ALDH1L2: variants seen among roughly 807,000 people sequenced by gnomAD.
ALDH1L2 encodes the protein mitochondrial 10-formyltetrahydrofolate dehydrogenase.
In ALDH1L2, 91 loss-of-function variants were observed where a neutral mutation model predicts 111.0. The observed-to-expected ratio is 0.82, with a 90% CI of 0.69 to 0.98. The LOEUF (loss-of-function observed/expected upper bound fraction) is 0.98, where lower values mean the gene tolerates loss of function less well. Ranked by LOEUF, ALDH1L2 falls within the 50% of genes least tolerant of loss-of-function variation. The probability of loss-of-function intolerance (pLI) is 0.00; values close to 1 mark genes in which losing one functional copy is unlikely to be tolerated. For synonymous variants in ALDH1L2, 374 were observed against 392.6 expected, an observed-to-expected ratio of 0.95 and a Z score of 0.56; for missense variants, 995 against 1,126.8, an observed-to-expected ratio of 0.88 and a Z score of 1.67.
intron 2 of ALDH1L2, among the ~76,000 whole-genome samples, chr12:105,071,781 C>T (rs1463995946): frequency 9.5e-5 from 14 of 147,894 alleles, no homozygotes; most frequent in Non-Finnish European, 1.5e-4. Flanking sequence ...CTCAGCCTCC[C>T]GAGTAGTATA....
At chr12:105,066,712 C>CA in intron 4 of ALDH1L2, 43 bp from the exon 5 acceptor site, 1 of 1,538,480 alleles carries the variant, frequency 6.5e-7, no homozygotes, top group South Asian at 1.1e-5. Flanking sequence ...CAATGATCAA[C>CA]AATGGCATGG....
At chr12:105,032,949 C>T (rs553706052) in intron 19 of ALDH1L2, among the ~76,000 whole-genome samples, 4 of 152,200 alleles carry the variant, frequency 2.6e-5, no homozygotes, top group East Asian at 1.9e-4. Context: ...CTTTACTGCA[C>T]GATGTTCATC....
At chr12:105,049,436 T>C (rs1484997772) in intron 13 of ALDH1L2, among the ~76,000 whole-genome samples, 1 of 152,172 alleles carries the variant, frequency 6.6e-6, no homozygotes, top group African/African-American at 2.4e-5. Flanking sequence ...AAGTGTCTCC[T>C]AAAATGCATG....
Position 105,070,718 on chromosome 12 carries a change from C to T in ALDH1L2, c.280G>A (p.Ala94Thr). ...AGCTCTGCACCCACGGATCTGTAGG[C>T]TTCTGCCACTTCTTTGATGGTCTTG... ...KGKTIKEVAE[A>T]YRSVGAELNV... Residue 94 changes from alanine (A) to threonine (T), a missense_variant, in exon 3 of 23, where the codon GCC (alanine) becomes ACC (threonine). Transcript: ENST00000258494. 5.6e-6 allele frequency: 9 copies of T among 1,614,222 alleles called. No individual in the cohort carries two copies. Among genetic ancestry groups the T allele is most frequent in the Non-Finnish European group, 6.8e-6 (8 of 1,180,038 alleles).
At chr12:105,084,245 T>C (rs1878478790) in intron 1 of ALDH1L2, 144 bp downstream of exon 1, 2 of 1,010,056 alleles carry the variant, frequency 2.0e-6, no homozygotes, top group East Asian at 3.3e-5. Flanking sequence ...TTTGTTTGTT[T>C]GTTTGTTTTA....
chr12:105,081,741 T>TAAGAC (rs1878344769), intron 1 of ALDH1L2, among the ~76,000 whole-genome samples: 1 of 152,234 alleles, frequency 6.6e-6, no homozygotes, highest in African/African-American at 2.4e-5. Flanking sequence ...TCCTTTTATT[T>TAAGAC]AAGACAGAGG....
At chr12:105,074,457 C>CAA (rs1565974203) in intron 1 of ALDH1L2, among the ~76,000 whole-genome samples, 160 of 93,458 alleles carry the variant, frequency 1.7e-3, no homozygotes, top group Middle Eastern at 4.8e-3. Context: ...GACTCTGTCT[C>CAA]CAAAAAAAAA....
At position 105,065,227 on chromosome 12, in the gene ALDH1L2, A is replaced by G. The variant is rs750515059; in HGVS notation, c.786+40T>C. ...TGTAATATCTCTTACAAAGGTAATA[A>G]TCGGGGAGGGGGGTGGGGGGAGTGG... On this transcript the variant is annotated intron_variant, in intron 6 of 22. Coordinates refer to ENST00000258494, the MANE Select transcript of ALDH1L2 (RefSeq NM_001034173.4). 2.2e-5 allele frequency: 25 copies of G among 1,134,572 alleles called. No homozygotes were observed. The African/African-American group carries it at 4.1e-4, about 19-fold the overall frequency. The allele number at this position is 1,134,572 out of a possible 1,614,324, so 70.3% of individuals were successfully genotyped here.
chr12:105,019,867 A>G lies in ALDH1L2; in HGVS notation c.*4557T>C, dbSNP rs549069875. The G allele has an allele frequency of 6.6e-6, 1 of 152,366 alleles. No individual in the cohort carries two copies. Among genetic ancestry groups the G allele is most frequent in the African/African-American group, 2.4e-5 (1 of 41,582 alleles). The allele number at this position is 152,366 out of a possible 1,614,324, so 9.4% of individuals were successfully genotyped here. A position where few individuals can be genotyped will look rare whatever the true frequency, so the allele number is the denominator to read the frequency against. ...AAAAGCAGGTAACAAATTAATATAC[A>G]GTATTATGTTAATTATGTAAAAAAA... On this transcript the variant is annotated 3_prime_UTR_variant, in exon 23 of 23. Coordinates refer to ENST00000258494, the MANE Select transcript of ALDH1L2 (RefSeq NM_001034173.4).
At chr12:105,084,299 T>A in intron 1 of ALDH1L2, 90 bp downstream of exon 1, 2 of 1,400,662 alleles carry the variant, frequency 1.4e-6, no homozygotes, top group Non-Finnish European at 1.9e-6. Context: ...TCGCTGCTCA[T>A]CCCCAGCCCC....
At chr12:105,060,322 C>T (rs1475926137) in intron 9 of ALDH1L2, 1 of 152,096 alleles carries the variant, frequency 6.6e-6, no homozygotes, top group African/African-American at 2.4e-5. Context: ...TGTTAGCATT[C>T]TCACCCAGAG....
Position 105,084,431 on chromosome 12 carries a change from C to T in ALDH1L2, c.6G>A (p.Leu2=), listed in dbSNP as rs1235294315. M[L]RRGSQALRRF... The stretch of plus-strand genomic sequence containing the variant: ...GCCGGAGCGCCTGGCTGCCCCGCCG[C>T]AGCATGCTGGAGAGGAGCGCTAGCA... Residue 2 remains leucine, a synonymous_variant, in exon 1 of 23, where the codon CTG becomes CTA. Transcript: ENST00000258494. 3 of 1,496,506 alleles carry T rather than the reference C, an allele frequency of 2.0e-6. No homozygotes were observed. Among genetic ancestry groups the T allele is most frequent in the Non-Finnish European group, 2.7e-6 (3 of 1,130,666 alleles). The allele number at this position is 1,496,506 out of a possible 1,614,324, so 92.7% of individuals were successfully genotyped here.
chr12:105,046,222 T>TATATATA (rs1565957152), intron 15 of ALDH1L2, among the ~76,000 whole-genome samples: 16 of 26,772 alleles, frequency 6.0e-4, no homozygotes, highest in Non-Finnish European at 7.1e-4. Context: ...TATATATATA[T>TATATATA]TTTTTTTTTT....
chr12:105,042,886 A>G (rs1286423014), intron 15 of ALDH1L2, among the ~76,000 whole-genome samples: 1 of 152,148 alleles, frequency 6.6e-6, no homozygotes. Context: ...TGAAAGCAAT[A>G]CCTTCACACT....
At position 105,027,161 on chromosome 12, in the gene ALDH1L2, C is replaced by G. The variant is rs534626995; in HGVS notation, c.2517-417G>C. 9.2e-5 allele frequency among the ~76,000 whole-genome samples: 14 copies of G among 152,368 alleles called. No homozygotes were observed. In the South Asian group the frequency reaches 2.9e-3, roughly 32 times the overall value. On this transcript the variant is annotated intron_variant, in intron 21 of 22. Coordinates refer to ENST00000258494, the MANE Select transcript of ALDH1L2 (RefSeq NM_001034173.4). ...AAGTGTTGGGATTACAGGTGTGAGC[C>G]ACTGCGCCCAGCCTGATTAAATTTT...
chr12:105,026,447 A>T, intron 22 of ALDH1L2, 98 bp downstream of exon 22: 1 of 1,395,448 alleles, frequency 7.2e-7, no homozygotes, highest in South Asian at 1.3e-5. Context: ...CCATGTAGGA[A>T]ATGCCCCTCA....
chr12:105,039,578 A>G (rs543835766), intron 17 of ALDH1L2, 135 bp downstream of exon 17: 16 of 638,602 alleles, frequency 2.5e-5, no homozygotes, highest in South Asian at 3.9e-5. Flanking sequence ...AAATATTTCA[A>G]TACTCAGCAG....
chr12:105,055,699 A>G (rs1876579905), intron 10 of ALDH1L2, among the ~76,000 whole-genome samples: 1 of 152,208 alleles, frequency 6.6e-6, no homozygotes, highest in South Asian at 2.1e-4. Context: ...AAGGAAAGAG[A>G]ATAATGTCTT....
At position 105,030,437 on chromosome 12, in the gene ALDH1L2, G is replaced by GA. The variant is rs756933993; in HGVS notation, c.2411-9dup. On this transcript the variant is annotated splice_polypyrimidine_tract_variant and intron_variant, in intron 20 of 22. Transcript: ENST00000258494. ...TCGGCTCCATGAAAAAGCCTTTTTG[G>GA]AAAAAACAAAGAAAAAATGTCAACT... 4.6e-5 allele frequency: 73 copies of GA among 1,597,768 alleles called. No homozygotes were observed. The African/African-American group carries it at 8.2e-4, about 18-fold the overall frequency.
Sources: gnomAD v4.1 joint callset for allele counts (sites outside exome capture counted in the v4.1 genomes callset) on GRCh38, gnomAD v4.1.1 for gene constraint, MANE v1.5 for transcripts, NCBI Gene and HGNC (gene_info 2026-07-23, HGNC 2026-07-21) for gene names.